AKAP13: variants seen among roughly 807,000 people sequenced by gnomAD.
AKAP13 encodes A-kinase anchor protein 13.
AKAP13 carries 80 observed loss-of-function variants against 264.5 expected under a neutral mutation model. The ratio of observed to expected loss-of-function variants is 0.30; its 90% CI spans 0.25 to 0.36. The LOEUF is 0.36. Among genes scored for constraint, AKAP13 ranks in the 10% least tolerant of loss-of-function variants. The pLI, the probability that AKAP13 is intolerant of heterozygous loss-of-function variation, is 1.00. For synonymous variants in AKAP13, 1,380 were observed against 1,250.2 expected, an observed-to-expected ratio of 1.10 and a Z score of -2.19; for missense variants, 3,712 against 3,435.2, an observed-to-expected ratio of 1.08 and a Z score of -2.01.
intron 8 of AKAP13, among the ~76,000 whole-genome samples, chr15:85,601,835 T>C (rs1182323680): frequency 1.3e-5 from 2 of 148,280 alleles, no homozygotes; most frequent in African/African-American, 4.8e-5. Context: ...TATTAATTCA[T>C]TTACTACAAT....
intron 30 of AKAP13, among the ~76,000 whole-genome samples, chr15:85,733,743 T>C (rs887338672): frequency 6.6e-6 from 1 of 152,080 alleles, no homozygotes; most frequent in Non-Finnish European, 1.5e-5. Context: ...TCTTATATTC[T>C]AGTTTAGTTT....
At chr15:85,385,489 C>T (rs1355234305) in intron 1 of AKAP13, among the ~76,000 whole-genome samples, 1 of 152,164 alleles carries the variant, frequency 6.6e-6, no homozygotes, top group African/African-American at 2.4e-5. Context: ...GCAAACAGGA[C>T]AGTCCCTTCA....
intron 3 of AKAP13, among the ~76,000 whole-genome samples, chr15:85,527,986 GT>G (rs2077134172): frequency 6.6e-6 from 1 of 152,194 alleles, no homozygotes. Context: ...CACTTTTAGG[GT>G]TTCTTTTTGG....
intron 7 of AKAP13, chr15:85,582,851 CA>C: frequency 1.0e-6 from 1 of 985,218 alleles, no homozygotes; most frequent in Non-Finnish European, 1.2e-6. Flanking sequence ...GAGCTGCTGT[CA>C]CAGGGCAGAC....
rs1180370679 is a variant in AKAP13 at position 85,743,792 on chromosome 15, A to T, written c.8359A>T (p.Lys2787Ter). 6.2e-7 allele frequency: 1 copy of T among 1,611,840 alleles called. No homozygotes were observed. Among genetic ancestry groups the T allele is most frequent in the Non-Finnish European group, 8.5e-7 (1 of 1,179,020 alleles). ...GCCAAAGGAAAAGAAGGAGAAAAAA[A>T]AGAAGAACAAAACCAGCCGCTCTCA... ...TKPKEKKEKK[K>*]KNKTSRSQPG... is the part of the protein sequence containing the mutation. Residue 2787 changes from lysine (K) to a stop codon, truncating the protein, a stop_gained, in exon 36 of 37, where the codon AAG (lysine) becomes TAG (stop). Transcript: ENST00000394518. LOFTEE classifies it high-confidence loss of function.
At chr15:85,404,016 C>A (rs2071554628) in intron 1 of AKAP13, among the ~76,000 whole-genome samples, 1 of 152,102 alleles carries the variant, frequency 6.6e-6, no homozygotes, top group South Asian at 2.1e-4. Context: ...CCATAGTGAT[C>A]TTTGAGTGAG....
At chr15:85,546,736 C>CT (rs575680934) in intron 5 of AKAP13, among the ~76,000 whole-genome samples, 1,638 of 141,038 alleles carry the variant, frequency 0.012, 21 homozygotes, top group African/African-American at 0.032. Flanking sequence ...TGCTATCTTT[C>CT]TTTTTTTTTT....
Position 85,627,233 on chromosome 15 carries a change from G to A in AKAP13, c.4162-12141G>A, listed in dbSNP as rs781027959. On this transcript the variant is annotated intron_variant, in intron 8 of 36. Coordinates refer to ENST00000394518, the MANE Select transcript of AKAP13 (RefSeq NM_007200.5). ...CTTCCGAAACCTTGTGTAACCATTT[G>A]CAGGACATATTGTTATTTCAAACTC... Among the ~76,000 whole-genome samples the A allele has an allele frequency of 1.8e-4, 28 of 152,134 alleles. 1 individual carries two copies. Among genetic ancestry groups the A allele is most frequent in the Admixed American group, 1.5e-3 (23 of 15,262 alleles).
chr15:85,397,317 G>T lies in AKAP13; in HGVS notation c.-12+16519G>T, dbSNP rs886510775. ...CCTCTTTCACCCCCTCTGTGGTAAA[G>T]AATTATTTTGGCTGCTTTGCCAAAA... On this transcript the variant is annotated intron_variant, in intron 1 of 36. Coordinates refer to ENST00000394518, the MANE Select transcript of AKAP13 (RefSeq NM_007200.5). 4.8e-4 allele frequency among the ~76,000 whole-genome samples: 73 copies of T among 152,124 alleles called. 1 individual carries two copies. Among genetic ancestry groups the T allele is most frequent in the Non-Finnish European group, 1.5e-5 (1 of 68,010 alleles).
chr15:85,404,886 T>C (rs551263875), intron 1 of AKAP13, among the ~76,000 whole-genome samples: 112 of 152,358 alleles, frequency 7.4e-4, no homozygotes, highest in African/African-American at 2.6e-3. Context: ...TTTGCCTTCG[T>C]TGCTTGCACT....
intron 2 of AKAP13, among the ~76,000 whole-genome samples, chr15:85,491,257 A>G (rs796749121): frequency 9.9e-5 from 15 of 152,078 alleles, no homozygotes; most frequent in Admixed American, 2.0e-4. Context: ...GTACTCAGAA[A>G]ACATTAGAGC....
chr15:85,702,703 T>TA (rs2151671878), intron 17 of AKAP13: 2 of 152,228 alleles, frequency 1.3e-5, no homozygotes, highest in East Asian at 3.8e-4. Flanking sequence ...GATGATATGT[T>TA]ATGATGGTTT....
intron 34 of AKAP13, chr15:85,740,646 C>T: frequency 3.1e-6 from 1 of 322,922 alleles, no homozygotes; most frequent in East Asian, 6.4e-5. Flanking sequence ...TTCGGACTTC[C>T]CAGGAACATC....
intron 5 of AKAP13, among the ~76,000 whole-genome samples, chr15:85,545,887 G>A (rs1053330883): frequency 6.6e-6 from 1 of 152,150 alleles, no homozygotes; most frequent in Non-Finnish European, 1.5e-5. Context: ...TTTAGGGACA[G>A]CATTCAGTAG....
intron 1 of AKAP13, among the ~76,000 whole-genome samples, chr15:85,431,192 A>G (rs1297247287): frequency 6.6e-6 from 1 of 152,234 alleles, no homozygotes; most frequent in South Asian, 2.1e-4. Context: ...CTCTAGGGCA[A>G]GCAACATTAT....
At chr15:85,530,179 C>CA (rs2077202836) in intron 3 of AKAP13, among the ~76,000 whole-genome samples, 1 of 152,196 alleles carries the variant, frequency 6.6e-6, no homozygotes, top group Admixed American at 6.5e-5. Context: ...CGCCCCAACA[C>CA]ACACCCATCC....
At chr15:85,460,473 G>A (rs371828866) in intron 1 of AKAP13, among the ~76,000 whole-genome samples, 1 of 152,164 alleles carries the variant, frequency 6.6e-6, no homozygotes, top group Non-Finnish European at 1.5e-5. Flanking sequence ...CTTGCTCCAT[G>A]TTTATTGAGC....
intron 8 of AKAP13, among the ~76,000 whole-genome samples, chr15:85,604,208 T>A (rs1382612437): frequency 6.6e-6 from 1 of 152,146 alleles, no homozygotes; most frequent in Non-Finnish European, 1.5e-5. Flanking sequence ...TTAAAAAAAA[T>A]AACTATTTCC....
chr15:85,439,548 T>A (rs1259478788), intron 1 of AKAP13, among the ~76,000 whole-genome samples: 48 of 147,244 alleles, frequency 3.3e-4, no homozygotes, highest in East Asian at 8.2e-4. Context: ...TTATTCACAA[T>A]AGCAAAGACT....
Sources: allele counts gnomAD v4.1 joint callset (sites outside exome capture counted in the v4.1 genomes callset), GRCh38; gene constraint gnomAD v4.1.1; transcripts MANE v1.5; gene names NCBI Gene and HGNC (gene_info 2026-07-23, HGNC 2026-07-21).